The following ORC3 variants were observed in gnomAD, a reference collection of about 807,000 sequenced individuals.
ORC3 encodes the protein origin recognition complex subunit 3.
In ORC3, 78 loss-of-function variants were observed where a neutral mutation model predicts 100.7. The observed-to-expected ratio is 0.77, with a 90% confidence interval of 0.65 to 0.94. The LOEUF (loss-of-function observed/expected upper bound fraction) is 0.94. Among genes scored for constraint, ORC3 ranks in the 40% least tolerant of loss-of-function variants. The probability of loss-of-function intolerance (pLI) is 0.00; values close to 1 mark genes in which losing one functional copy is unlikely to be tolerated. For synonymous variants in ORC3, 295 were observed against 289.3 expected (o/e 1.02, Z -0.20); for missense variants, 789 against 823.9 (o/e 0.96, Z 0.52).
chr6:87,657,039 T>G, intron 15 of ORC3, 57 bp downstream of exon 15: 2 of 1,155,570 alleles, frequency 1.7e-6, no homozygotes, highest in Non-Finnish European at 2.6e-6. Flanking sequence ...TTTTTCAGTT[T>G]GTGCTCTAGA....
chr6:87,669,250 CATAA>C (rs1770781726), downstream of ORC3, among the ~76,000 whole-genome samples: 1 of 152,194 alleles, frequency 6.6e-6, no homozygotes, highest in South Asian at 2.1e-4. Context: ...CCCAAGGTAC[CATAA>C]ATAATCAACT....
chr6:87,607,891 T>C, intron 6 of ORC3, 67 bp downstream of exon 6: 1 of 1,094,028 alleles, frequency 9.1e-7, no homozygotes, highest in East Asian at 2.4e-5. Context: ...GGAATAATAT[T>C]AGACAGTACT....
Position 87,663,138 on chromosome 6 carries a change from T to A in ORC3, c.1827T>A (p.Tyr609Ter), listed in dbSNP as rs1354995328. The change falls in exon 17 of 20, where the codon TAT becomes TAA. Residue 609 changes from tyrosine (Y) to a stop codon, truncating the protein, a stop_gained. Coordinates refer to ENST00000392844, the MANE Select transcript of ORC3 (RefSeq NM_012381.4). LOFTEE classifies it high-confidence loss of function. ...LHTALNNPYY[Y>*]LKNEALKSEE... ...CTGCACTCAACAATCCTTACTATTA[T>A]CTCAAGGTAAGATGAACATTTAGTT... is the stretch of plus-strand genomic sequence containing the variant. 2.5e-6 allele frequency: 4 copies of A among 1,609,726 alleles called. No homozygotes were observed. Among genetic ancestry groups the A allele is most frequent in the Non-Finnish European group, 3.4e-6 (4 of 1,176,956 alleles).
chr6:87,671,503 C>G (rs2754244), downstream of ORC3, among the ~76,000 whole-genome samples: 47,469 of 151,246 alleles, frequency 0.31, 8,951 homozygotes, highest in African/African-American at 0.54. Context: ...CACATGAAGA[C>G]GTTAATATAA....
Position 87,667,303 on chromosome 6 carries a change from G to A in ORC3, c.*180G>A, listed in dbSNP as rs923665354. Reference sequence around the variant, plus strand: ...ACAGGCATGTATCAAAACACCTGTGGAGTACTTTAGACTCCAACAAATAAT... The same window carrying A: ...ACAGGCATGTATCAAAACACCTGTGAAGTACTTTAGACTCCAACAAATAAT... On this transcript the variant is annotated 3_prime_UTR_variant, in exon 20 of 20. Transcript: ENST00000392844. 7 of 495,546 alleles carry A rather than the reference G, an allele frequency of 1.4e-5. No individual in the cohort carries two copies. The highest frequency in any genetic ancestry group is 2.5e-5 in the Non-Finnish European group (7 of 282,734). The allele number at this position is 495,546 out of a possible 1,614,324, so 30.7% of individuals were successfully genotyped here. A position where few individuals can be genotyped will look rare whatever the true frequency, so the allele number is the denominator to read the frequency against.
chr6:87,633,977 C>G (rs1767621956), intron 11 of ORC3, among the ~76,000 whole-genome samples: 2 of 152,038 alleles, frequency 1.3e-5, no homozygotes, highest in African/African-American at 2.4e-5. Context: ...GTATCTAAAT[C>G]CCTAATATGG....
At chr6:87,644,948 C>T (rs967533356) in intron 13 of ORC3, among the ~76,000 whole-genome samples, 1 of 152,032 alleles carries the variant, frequency 6.6e-6, no homozygotes, top group Non-Finnish European at 1.5e-5. Context: ...TTGATGTATT[C>T]CACAAAAAAG....
downstream of ORC3, among the ~76,000 whole-genome samples, chr6:87,670,456 G>A (rs1373382449): frequency 5.3e-5 from 8 of 152,016 alleles, no homozygotes; most frequent in African/African-American, 1.7e-4. Context: ...ATGAACCACC[G>A]TGCCCAGTCG....
intron 19 of ORC3, among the ~76,000 whole-genome samples, chr6:87,666,656 C>G (rs1321802879): frequency 6.6e-6 from 1 of 151,804 alleles, no homozygotes; most frequent in Non-Finnish European, 1.5e-5. Context: ...CCAGGCTGGT[C>G]TTGAACTCCT....
intron 11 of ORC3, among the ~76,000 whole-genome samples, chr6:87,631,556 G>A (rs544808891): frequency 3.3e-5 from 5 of 152,096 alleles, no homozygotes; most frequent in African/African-American, 4.8e-5. Flanking sequence ...GCAACAGCGC[G>A]ATCTTGGCTC....
At chr6:87,631,565 T>C (rs1767421134) in intron 11 of ORC3, among the ~76,000 whole-genome samples, 2 of 152,084 alleles carry the variant, frequency 1.3e-5, no homozygotes, top group African/African-American at 2.4e-5. Context: ...CGATCTTGGC[T>C]CACGGCAACC....
At chr6:87,677,382 T>C in the ORC3 span, among the ~76,000 whole-genome samples, 1 of 152,256 alleles carries the variant, frequency 6.6e-6, no homozygotes, top group Admixed American at 6.5e-5. Flanking sequence ...CCATACATAA[T>C]AAATTTTATT....
rs892155664 is a variant in ORC3 at position 87,623,577 on chromosome 6, T to C, written c.1185+1564T>C. On this transcript the variant is annotated intron_variant, in intron 11 of 19. Coordinates refer to ENST00000392844, the MANE Select transcript of ORC3 (RefSeq NM_012381.4). Reference sequence around the variant, plus strand: ...CAGAGGGAGAGAATGTCTAGGCTAGTGTATTATAGAAATTGCCTGACATTG... The same window carrying C: ...CAGAGGGAGAGAATGTCTAGGCTAGCGTATTATAGAAATTGCCTGACATTG... 8.5e-5 allele frequency among the ~76,000 whole-genome samples: 13 copies of C among 152,172 alleles called. 1 individual carries two copies. Among genetic ancestry groups the C allele is most frequent in the African/African-American group, 2.4e-4 (10 of 41,450 alleles).
At chr6:87,675,595 A>G in the ORC3 span, 4 of 1,614,104 alleles carry the variant, frequency 2.5e-6, no homozygotes, top group Non-Finnish European at 3.4e-6. Flanking sequence ...AGGATACGTG[A>G]TTCATGAAAC....
intron 1 of ORC3, 119 bp from the exon 2 acceptor site, chr6:87,594,232 ATG>A: frequency 1.7e-6 from 1 of 605,880 alleles, no homozygotes; most frequent in Non-Finnish European, 2.9e-6. Flanking sequence ...CCTGAAAGAA[ATG>A]TGTTCTCTCC....
chr6:87,626,351 T>TA (rs1779899145), intron 11 of ORC3, among the ~76,000 whole-genome samples: 2 of 152,236 alleles, frequency 1.3e-5, no homozygotes, highest in Admixed American at 6.5e-5. Context: ...TTGTGTCCTC[T>TA]TTTATTTCAC....
chr6:87,635,454 C>T (rs1322015838), intron 12 of ORC3, among the ~76,000 whole-genome samples: 1 of 152,132 alleles, frequency 6.6e-6, no homozygotes, highest in Non-Finnish European at 1.5e-5. Context: ...ATTCTATATT[C>T]CTAAATCATC....
intron 11 of ORC3, among the ~76,000 whole-genome samples, chr6:87,631,655 G>A (rs944664999): frequency 6.6e-6 from 1 of 151,870 alleles, no homozygotes; most frequent in Admixed American, 6.6e-5. Context: ...ACCACACCCA[G>A]CTAATTTTTG....
chr6:87,677,383 AAATTTT>A, the ORC3 span, among the ~76,000 whole-genome samples: 1 of 152,228 alleles, frequency 6.6e-6, no homozygotes, highest in Admixed American at 6.5e-5. Flanking sequence ...CATACATAAT[AAATTTT>A]ATTTACTTAA....
Sources: allele counts gnomAD v4.1 joint callset (sites outside exome capture counted in the v4.1 genomes callset), GRCh38; gene constraint gnomAD v4.1.1; transcripts MANE v1.5; gene names NCBI Gene and HGNC (gene_info 2026-07-23, HGNC 2026-07-21).